Variants in EFCC1 observed in about 807,000 individuals in gnomAD.
EFCC1 encodes the protein EF-hand and coiled-coil domain-containing protein 1.
Under a neutral mutation model 52.1 loss-of-function variants are expected in EFCC1, and 50 were observed. The ratio of observed to expected loss-of-function variants is 0.96; its 90% CI spans 0.76 to 1.21. EFCC1 has a LOEUF of 1.21. EFCC1 is among the 50% of genes most tolerant of loss of function. The pLI is 0.00. For missense variants in EFCC1, 837 were observed against 867.3 expected (o/e 0.97, Z 0.44); for synonymous variants, 399 against 396.5 (o/e 1.01, Z -0.08).
In EFCC1 at chr3:129,010,164, C is replaced by A. The variant is rs574114441; in HGVS notation, c.980+6087C>A. On this transcript the variant is annotated intron_variant, in intron 2 of 7. Transcript: ENST00000683648. The surrounding 1 kb of genome is among the most constrained non-coding windows in gnomAD (Gnocchi z 4.3). Reference sequence around the variant, plus strand: ...AGGAGACCCCTAAGTGGTCCAGTGGCCTTGTCCTGCCTTGAGGGGTCCCCC... The same window carrying A: ...AGGAGACCCCTAAGTGGTCCAGTGGACTTGTCCTGCCTTGAGGGGTCCCCC... Among the ~76,000 whole-genome samples, 3 of 152,358 alleles carry A rather than the reference C, an allele frequency of 2.0e-5. No homozygotes were observed. The highest frequency in any genetic ancestry group is 2.0e-4 in the Admixed American group (3 of 15,310).
At chr3:129,017,799 C>T (rs1945655796) in intron 2 of EFCC1, among the ~76,000 whole-genome samples, 1 of 152,194 alleles carries the variant, frequency 6.6e-6, no homozygotes, top group African/African-American at 2.4e-5. Context: ...GTGACAGGCT[C>T]ACTTCACTCA....
chr3:129,031,063 T>C (rs1472338899), intron 3 of EFCC1, among the ~76,000 whole-genome samples: 2 of 152,070 alleles, frequency 1.3e-5, no homozygotes, highest in Non-Finnish European at 2.9e-5. Flanking sequence ...ATCTGGGGTG[T>C]GTAGAGCCAT....
chr3:129,008,437 G>C (rs968795105), intron 2 of EFCC1, among the ~76,000 whole-genome samples: 4 of 152,176 alleles, frequency 2.6e-5, no homozygotes, highest in Non-Finnish European at 5.9e-5. Context: ...ATTTTATCCA[G>C]CATTTCAACA....
chr3:129,035,368 C>T (rs941483160), intron 5 of EFCC1, among the ~76,000 whole-genome samples: 4 of 152,180 alleles, frequency 2.6e-5, no homozygotes, highest in Non-Finnish European at 4.4e-5. Flanking sequence ...GAGCCCATGC[C>T]GCATCCACGC....
In EFCC1 at chr3:129,001,528, C is replaced by T; in HGVS notation, c.-101C>T. On this transcript the variant is annotated 5_prime_UTR_variant, in exon 1 of 8. Transcript: ENST00000683648. Reference sequence around the variant, plus strand: ...GGCGCCGCTCCAACCAGACCGCGACCGCTAAGCCCCTCCTTTCGAGAAACT... The same window carrying T: ...GGCGCCGCTCCAACCAGACCGCGACTGCTAAGCCCCTCCTTTCGAGAAACT... The T allele has an allele frequency of 2.2e-6, 3 of 1,336,030 alleles. No individual in the cohort carries two copies. Among genetic ancestry groups the T allele is most frequent in the Non-Finnish European group, 1.9e-6 (2 of 1,048,924 alleles). 82.8% of individuals were successfully genotyped at this position (1,336,030 alleles called of 1,614,324 possible).
rs546206737 is a variant in EFCC1 at position 129,030,402 on chromosome 3, A to G, written c.981-301A>G. 3 of 230,850 alleles carry G rather than the reference A, an allele frequency of 1.3e-5. No homozygotes were observed. The South Asian group carries it at 5.2e-4, about 40-fold the overall frequency. 14.3% of individuals were successfully genotyped at this position (230,850 alleles called of 1,614,324 possible). On this transcript the variant is annotated intron_variant, in intron 2 of 7. Coordinates refer to ENST00000683648, the MANE Select transcript of EFCC1 (RefSeq NM_001377500.1). The stretch of plus-strand genomic sequence containing the variant: ...TCCAAACATCACATTCTCACATGAC[A>G]ATGTCTAAAGGCAGGAAGGAAGGGG...
In EFCC1 at chr3:129,034,255, T is replaced by G; in HGVS notation, c.1378T>G (p.Cys460Gly). Residue 460 changes from cysteine to glycine, a missense_variant, in exon 5 of 8, where the codon TGC becomes GGC. By Grantham distance (159) the Cys-to-Gly change is radical (BLOSUM62 -3). Transcript: ENST00000683648. The part of the protein sequence containing the change: ...HAHTLGELEA[C>G]IAMLVEQLRT... ...CCATACCCTGGGGGAGCTGGAGGCCTGCATTGCCATGCTGGTGGAGCAGCT... is the reference window on the plus strand; with the variant it reads ...CCATACCCTGGGGGAGCTGGAGGCCGGCATTGCCATGCTGGTGGAGCAGCT... 6.2e-7 allele frequency: 1 copy of G among 1,614,176 alleles called. No individual in the cohort carries two copies. Among genetic ancestry groups the G allele is most frequent in the South Asian group, 1.1e-5 (1 of 91,086 alleles).
intron 1 of EFCC1, 86 bp from the exon 2 acceptor site, chr3:129,003,708 G>T (rs1394790540): frequency 4.9e-6 from 6 of 1,215,636 alleles, no homozygotes; most frequent in Admixed American, 8.9e-5. Flanking sequence ...GGGTGCAGAG[G>T]CATGGGGCCG....
At chr3:129,012,694 C>A (rs1056203540) in intron 2 of EFCC1, among the ~76,000 whole-genome samples, 10 of 152,138 alleles carry the variant, frequency 6.6e-5, no homozygotes, top group Non-Finnish European at 1.5e-4. Flanking sequence ...AGTTGGGTGG[C>A]CATAGAAGTG....
At chr3:129,011,693 G>C (rs1282081530) in intron 2 of EFCC1, among the ~76,000 whole-genome samples, 2 of 152,178 alleles carry the variant, frequency 1.3e-5, no homozygotes, top group African/African-American at 4.8e-5. Flanking sequence ...TCTCTGTCGA[G>C]GTGGCTGATC....
chr3:129,004,005 A>G lies in EFCC1; in HGVS notation c.908A>G (p.Glu303Gly), dbSNP rs779196353. 3 of 1,505,622 alleles carry G rather than the reference A, an allele frequency of 2.0e-6. No individual in the cohort carries two copies. Among genetic ancestry groups the G allele is most frequent in the African/African-American group, 2.9e-5 (2 of 69,330 alleles). 93.3% of individuals were successfully genotyped at this position (1,505,622 alleles called of 1,614,324 possible). ...AGCCTGCACCGCGTGCGAGAGCTGGAGGCGCTGGCGCAACAGGTGCCCGGC... is the reference window on the plus strand; with the variant it reads ...AGCCTGCACCGCGTGCGAGAGCTGGGGGCGCTGGCGCAACAGGTGCCCGGC... ...LRSLHRVREL[E>G]ALAQQVPGLQ... is the part of the protein sequence containing the mutation. Residue 303 changes from glutamate to glycine, a missense_variant, in exon 2 of 8, where the codon GAG becomes GGG. Transcript: ENST00000683648.
rs1476008561 is a variant in EFCC1, at chr3:129,001,808, G to A, written c.180G>A (p.Gln60=). Residue 60 remains glutamine, a synonymous_variant, in exon 1 of 8, where the codon CAG becomes CAA. Coordinates refer to ENST00000683648, the MANE Select transcript of EFCC1 (RefSeq NM_001377500.1). ...VLATGLDQYL[Q]EVFHHLDCRG... is the part of the protein sequence containing the mutation. ...CCACCGGCCTGGACCAGTACCTGCA[G>A]GAGGTCTTCCACCACCTGGACTGCC... 3.9e-6 allele frequency: 6 copies of A among 1,545,506 alleles called. No homozygotes were observed. Among genetic ancestry groups the A allele is most frequent in the African/African-American group, 2.8e-5 (2 of 72,688 alleles).
rs1415486951 is a variant in EFCC1 at position 129,003,914 on chromosome 3, C to T, written c.817C>T (p.Arg273Trp). 8 of 1,354,078 alleles carry T rather than the reference C, an allele frequency of 5.9e-6. No homozygotes were observed. Among genetic ancestry groups the T allele is most frequent in the South Asian group, 1.7e-5 (1 of 57,418 alleles). The allele number at this position is 1,354,078 out of a possible 1,614,324, so 83.9% of individuals were successfully genotyped here. Residue 273 changes from arginine to tryptophan, a missense_variant, in exon 2 of 8, where the codon CGG (arginine) becomes TGG (tryptophan). Transcript: ENST00000683648. ...ALAAAEARAGRLRRGQAEVRR... is the reference protein window; with the variant it reads ...ALAAAEARAGWLRRGQAEVRR... Reference sequence around the variant, plus strand: ...GGCTGCGGCGGAGGCCCGCGCTGGGCGGCTGCGCCGTGGCCAGGCCGAGGT... The same window carrying T: ...GGCTGCGGCGGAGGCCCGCGCTGGGTGGCTGCGCCGTGGCCAGGCCGAGGT...
Position 129,030,744 on chromosome 3 carries a change from C to T in EFCC1, c.1022C>T (p.Pro341Leu). Residue 341 changes from proline to leucine, a missense_variant, in exon 3 of 8, where the codon CCA becomes CTA. Physicochemically the swap from Pro to Leu is moderately conservative, Grantham distance 98. Coordinates refer to ENST00000683648, the MANE Select transcript of EFCC1 (RefSeq NM_001377500.1). ...SQLPTPQLAN[P>L]EPGDKSNEPE... ...CTCCCAACCCCGCAGCTAGCCAACC[C>T]AGAGCCAGGAGACAAGAGTAATGAA... 1.3e-6 allele frequency: 2 copies of T among 1,551,672 alleles called. No homozygotes were observed. The highest frequency in any genetic ancestry group is 2.4e-5 in the South Asian group (2 of 84,064).
Position 129,001,982 on chromosome 3 carries a change from C to T in EFCC1, c.354C>T (p.Ala118=), listed in dbSNP as rs1576685057. Residue 118 remains alanine, a synonymous_variant, in exon 1 of 8, where the codon GCC becomes GCT. Coordinates refer to ENST00000683648, the MANE Select transcript of EFCC1 (RefSeq NM_001377500.1). ...CCGGGGATGCGGCCGCTGAGTTGGC[C>T]ACGGACGGGGACTCAGATACCGATG... ...VTPGDAAAEL[A]TDGDSDTDEE... is the part of the protein sequence containing the mutation. The T allele has an allele frequency of 6.5e-7, 1 of 1,545,436 alleles. No individual in the cohort carries two copies. The highest frequency in any genetic ancestry group is 8.7e-7 in the Non-Finnish European group (1 of 1,144,934).
intron 4 of EFCC1, 76 bp from the exon 5 acceptor site, chr3:129,034,088 A>T: frequency 2.5e-6 from 4 of 1,584,306 alleles, no homozygotes; most frequent in Non-Finnish European, 3.4e-6. Context: ...CCACACCACC[A>T]CCACCTCTCC....
chr3:129,024,360 T>C (rs747637796), intron 2 of EFCC1, among the ~76,000 whole-genome samples: 14 of 151,820 alleles, frequency 9.2e-5, no homozygotes, highest in Non-Finnish European at 1.6e-4. Context: ...GGTAAAACCC[T>C]TTCTCTACTA....
chr3:129,015,432 T>G (rs949445179), intron 2 of EFCC1, among the ~76,000 whole-genome samples: 24 of 151,898 alleles, frequency 1.6e-4, no homozygotes, highest in Admixed American at 9.8e-4. Context: ...GGGGGGAGGT[T>G]GCGGGGTAAG....
At chr3:129,032,660 G>C (rs1489115740) in intron 3 of EFCC1, among the ~76,000 whole-genome samples, 159 bp from the exon 4 acceptor site, 3 of 151,872 alleles carry the variant, frequency 2.0e-5, no homozygotes, top group Non-Finnish European at 4.4e-5. Flanking sequence ...AGCCTTGGTG[G>C]CCTCACTGCA....
Sources: gnomAD v4.1 joint callset for allele counts (sites outside exome capture counted in the v4.1 genomes callset) on GRCh38, gnomAD v4.1.1 for gene constraint, Gnocchi (gnomAD v3.1) non-coding constraint, MANE v1.5 for transcripts, NCBI Gene and HGNC (gene_info 2026-07-23, HGNC 2026-07-21) for gene names.